CSF2RB: variants seen among roughly 807,000 people sequenced by gnomAD.
CSF2RB encodes colony stimulating factor 2 receptor subunit beta.
CSF2RB carries 22 observed loss-of-function variants against 67.2 expected under a neutral mutation model. The observed-to-expected ratio is 0.33, with a 90% CI of 0.23 to 0.47. CSF2RB has a LOEUF of 0.47. Ranked by LOEUF, CSF2RB falls within the 20% of genes least tolerant of loss-of-function variation. The pLI, the probability that CSF2RB is intolerant of heterozygous loss-of-function variation, is 1.00. For missense variants in CSF2RB, 1,113 were observed against 1,174.5 expected (o/e 0.95, Z 0.76); for synonymous variants, 507 against 482.9 (o/e 1.05, Z -0.65).
At chr22:36,915,740 G>A (rs1459308793) in intron 1 of CSF2RB, among the ~76,000 whole-genome samples, 1 of 152,176 alleles carries the variant, frequency 6.6e-6, no homozygotes, top group Non-Finnish European at 1.5e-5. Context: ...CTAAGCTGAC[G>A]TCCCCAAGGT....
rs1224595025 is a variant in CSF2RB, at chr22:36,938,210, C to T, written c.2402C>T (p.Ala801Val). The T allele has an allele frequency of 1.2e-6, 2 of 1,614,162 alleles. No individual in the cohort carries two copies. The highest frequency in any genetic ancestry group is 3.3e-5 in the Admixed American group (2 of 60,028). ...GTCCTGAACCCAGGGGAACGCCCGG[C>T]AGATGTGTCCCCAACATCCCCACAG... ...SPVLNPGERP[A>V]DVSPTSPQPE... is the part of the protein sequence containing the mutation. The change falls in exon 14 of 14, where the codon GCA (alanine) becomes GTA (valine). Residue 801 changes from alanine to valine, a missense_variant. By Grantham distance (64) the Ala-to-Val change is moderately conservative. This residue lies in a region of CSF2RB where 554 missense variants were observed against 517.9 expected (regional missense o/e 1.07). Transcript: ENST00000403662.
At chr22:36,921,682 G>A (rs1204853540) in intron 1 of CSF2RB, among the ~76,000 whole-genome samples, 61 of 152,144 alleles carry the variant, frequency 4.0e-4, no homozygotes. Flanking sequence ...GAGAGCACAG[G>A]CCCTGTGGAA....
chr22:36,923,899 C>T (rs1479104509), intron 3 of CSF2RB: 1 of 724,074 alleles, frequency 1.4e-6, no homozygotes, highest in Non-Finnish European at 2.0e-6. Flanking sequence ...TCCGCGCTCT[C>T]CCAGGCCCCC....
Position 36,940,439 on chromosome 22 carries a change from A to G in CSF2RB, c.*1937A>G, listed in dbSNP as rs1229024666. 2.6e-5 allele frequency: 4 copies of G among 152,234 alleles called. No individual in the cohort carries two copies. Among genetic ancestry groups the G allele is most frequent in the Admixed American group, 2.6e-4 (4 of 15,278 alleles). 9.4% of individuals were successfully genotyped at this position (152,234 alleles called of 1,614,324 possible). A position where few individuals can be genotyped will look rare whatever the true frequency, so the allele number is the denominator to read the frequency against. On this transcript the variant is annotated 3_prime_UTR_variant, in exon 14 of 14. Coordinates refer to ENST00000403662, the MANE Select transcript of CSF2RB (RefSeq NM_000395.3). Reference sequence around the variant, plus strand: ...TGCAATAAAATATTTGTAACATAAAACAAAGTGAAACCCTGAATTTGTGTG... The same window carrying G: ...TGCAATAAAATATTTGTAACATAAAGCAAAGTGAAACCCTGAATTTGTGTG...
chr22:36,938,113 C>T lies in CSF2RB; in HGVS notation c.2305C>T (p.Leu769Phe), dbSNP rs1389673416. The T allele has an allele frequency of 1.9e-6, 3 of 1,614,064 alleles. No homozygotes were observed. Among genetic ancestry groups the T allele is most frequent in the Non-Finnish European group, 2.5e-6 (3 of 1,179,980 alleles). ...GTCAGGGTTTGAGGGCTATGTGGAGCTCCCTCCAATTGAGGGCCGGTCCCC... is the reference window on the plus strand; with the variant it reads ...GTCAGGGTTTGAGGGCTATGTGGAGTTCCCTCCAATTGAGGGCCGGTCCCC... ...VKSGFEGYVE[L>F]PPIEGRSPRS... The change falls in exon 14 of 14, where the codon CTC (leucine) becomes TTC (phenylalanine). Residue 769 changes from leucine (L) to phenylalanine (F), a missense_variant. Around this residue, in one of 2 missense-constraint regions of CSF2RB, gnomAD observed 554 missense variants for 517.9 expected, o/e 1.07. Transcript: ENST00000403662.
intron 6 of CSF2RB, among the ~76,000 whole-genome samples, chr22:36,930,135 A>G (rs1199665618): frequency 6.6e-6 from 1 of 152,218 alleles, no homozygotes; most frequent in African/African-American, 2.4e-5. Flanking sequence ...TTCAATCCCC[A>G]AACACTGAAA....
chr22:36,927,942 C>G (rs981304360), intron 4 of CSF2RB, among the ~76,000 whole-genome samples: 1 of 152,126 alleles, frequency 6.6e-6, no homozygotes, highest in South Asian at 2.1e-4. Flanking sequence ...CCTACATAAG[C>G]CAACGAAGCA....
Position 36,937,421 on chromosome 22 carries a change from C to T in CSF2RB, c.1613C>T (p.Thr538Ile). ...GGGGACAGCGAGGTGTCACCTCTCA[C>T]CATAGAGGACCCCAAGCATGTCTGT... ...GFGDSEVSPLTIEDPKHVCDP... is the reference protein window; with the variant it reads ...GFGDSEVSPLIIEDPKHVCDP... Residue 538 changes from threonine to isoleucine, a missense_variant, in exon 14 of 14, where the codon ACC becomes ATC. Physicochemically the swap from Thr to Ile is moderately conservative, Grantham distance 89. This residue lies in a region of CSF2RB where 554 missense variants were observed against 517.9 expected (regional missense o/e 1.07). Coordinates refer to ENST00000403662, the MANE Select transcript of CSF2RB (RefSeq NM_000395.3). This position sits in a 1 kb window ranked among gnomAD's most constrained non-coding sequence, Gnocchi z 4.6. 1 of 1,614,038 alleles carries T rather than the reference C, an allele frequency of 6.2e-7. No homozygotes were observed. The highest frequency in any genetic ancestry group is 8.5e-7 in the Non-Finnish European group (1 of 1,179,980).
At chr22:36,934,468 G>A (rs1941226652) in intron 10 of CSF2RB, among the ~76,000 whole-genome samples, 1 of 152,208 alleles carries the variant, frequency 6.6e-6, no homozygotes, top group Non-Finnish European at 1.5e-5. Flanking sequence ...TTTAAACTGG[G>A]ACTTAGGCTT....
At chr22:36,916,434 T>C (rs141859238) in intron 1 of CSF2RB, among the ~76,000 whole-genome samples, 320 of 152,342 alleles carry the variant, frequency 2.1e-3, no homozygotes, top group Non-Finnish European at 3.3e-3. Context: ...CCCTATTACA[T>C]CCTAGGCTTC....
intron 1 of CSF2RB, 71 bp from the exon 2 acceptor site, chr22:36,921,965 A>G: frequency 1.7e-6 from 1 of 589,904 alleles, no homozygotes; most frequent in Non-Finnish European, 3.0e-6. Context: ...GGTTGTCCCC[A>G]CAACACGGGC....
chr22:36,920,890 A>T (rs1044149511), intron 1 of CSF2RB, among the ~76,000 whole-genome samples: 2 of 152,134 alleles, frequency 1.3e-5, no homozygotes. Flanking sequence ...GCATTTTTTT[A>T]AATTTAATAT....
chr22:36,926,929 A>T (rs1413622013), intron 4 of CSF2RB, among the ~76,000 whole-genome samples: 1 of 72,970 alleles, frequency 1.4e-5, no homozygotes, highest in Admixed American at 1.6e-4. Flanking sequence ...GAGGTACTGC[A>T]GGCTGTCATT....
intron 1 of CSF2RB, among the ~76,000 whole-genome samples, chr22:36,918,875 C>T (rs1392694737): frequency 1.3e-5 from 2 of 152,218 alleles, no homozygotes; most frequent in Non-Finnish European, 2.9e-5. Flanking sequence ...TGGCTTCCAT[C>T]CTCAAGGTAA....
chr22:36,935,779 T>G, intron 12 of CSF2RB, 92 bp downstream of exon 12: 1 of 1,409,388 alleles, frequency 7.1e-7, no homozygotes, highest in Non-Finnish European at 9.8e-7. Context: ...TCCTGTGGGC[T>G]TTGGGTGGTA....
At chr22:36,918,394 G>T (rs1940772331) in intron 1 of CSF2RB, among the ~76,000 whole-genome samples, 1 of 152,150 alleles carries the variant, frequency 6.6e-6, no homozygotes, top group Non-Finnish European at 1.5e-5. Flanking sequence ...TCTGACCCTT[G>T]TTGCATTCAA....
intron 1 of CSF2RB, among the ~76,000 whole-genome samples, chr22:36,921,284 A>C (rs201626858): frequency 2.0e-5 from 1 of 49,572 alleles, no homozygotes; most frequent in African/African-American, 4.0e-5. Flanking sequence ...GTGTGTGTAT[A>C]TGTGTGTATA....
At chr22:36,915,845 T>C (rs916676006) in intron 1 of CSF2RB, among the ~76,000 whole-genome samples, 2 of 152,226 alleles carry the variant, frequency 1.3e-5, no homozygotes, top group Non-Finnish European at 2.9e-5. Context: ...CGCGTGATTT[T>C]TTTCTTTCCC....
chr22:36,930,813 TAA>T lies in CSF2RB; in HGVS notation c.997_998del (p.Lys333GlufsTer40). 6.2e-7 allele frequency: 1 copy of T among 1,614,044 alleles called. No individual in the cohort carries two copies. Among genetic ancestry groups the T allele is most frequent in the Non-Finnish European group, 8.5e-7 (1 of 1,179,996 alleles). ...CAGCCAAGGAGGGCAGAGAAACACA[TAA>T]AGAGCTCAGTGAACAGTGAGTTTGC... is the stretch of plus-strand genomic sequence containing the variant. On this transcript the variant is annotated frameshift_variant, in exon 8 of 14. Transcript: ENST00000403662. LOFTEE classifies it high-confidence loss of function.
Sources: allele counts gnomAD v4.1 joint callset (sites outside exome capture counted in the v4.1 genomes callset), GRCh38; gene constraint gnomAD v4.1.1; regional missense constraint gnomAD v4.1.1; non-coding constraint Gnocchi (gnomAD v3.1); transcripts MANE v1.5; gene names NCBI Gene and HGNC (gene_info 2026-07-23, HGNC 2026-07-21).